The following SLC39A12 variants were observed in gnomAD, a reference collection of about 807,000 sequenced individuals.
SLC39A12 encodes the protein solute carrier family 39 member 12.
Under a neutral mutation model 71.1 loss-of-function variants are expected in SLC39A12, and 63 were observed. The observed-to-expected ratio is 0.89, with a 90% confidence interval of 0.72 to 1.09. The LOEUF (loss-of-function observed/expected upper bound fraction) is 1.09. Among genes scored for constraint, SLC39A12 ranks in the 50% least tolerant of loss-of-function variants. The pLI, the probability that SLC39A12 is intolerant of heterozygous loss-of-function variation, is 0.00. For synonymous variants in SLC39A12, 351 were observed against 301.3 expected, an observed-to-expected ratio of 1.16 and a Z score of -1.71; for missense variants, 892 against 812.6, an observed-to-expected ratio of 1.10 and a Z score of -1.19.
chr10:17,993,172 C>T lies in SLC39A12; in HGVS notation c.1423-9C>T. 6.5e-7 allele frequency: 1 copy of T among 1,543,252 alleles called. No individual in the cohort carries two copies. Among genetic ancestry groups the T allele is most frequent in the Non-Finnish European group, 8.8e-7 (1 of 1,140,172 alleles). The stretch of plus-strand genomic sequence containing the variant: ...GCTTCAACACTAATTTTAAACCATC[C>T]TCATCCAGCAGGGCCTGTCATTGGT... On this transcript the variant is annotated splice_polypyrimidine_tract_variant and intron_variant, in intron 8 of 12. Transcript: ENST00000377369.
chr10:17,997,032 A>AG (rs1835704244), intron 10 of SLC39A12, among the ~76,000 whole-genome samples: 1 of 151,498 alleles, frequency 6.6e-6, no homozygotes. Flanking sequence ...CAAAAAAAAA[A>AG]AAAAAGAAAA....
chr10:18,003,537 A>G (rs1248916822), intron 12 of SLC39A12, 179 bp downstream of exon 12: 1 of 530,736 alleles, frequency 1.9e-6, no homozygotes, highest in Non-Finnish European at 3.1e-6. Context: ...AAAGAACATA[A>G]TTTGGGTACA....
In SLC39A12 at chr10:18,000,793, C is replaced by A. The variant is rs1353341743; in HGVS notation, c.1727C>A (p.Ala576Asp). The change falls in exon 11 of 13, where the codon GCT becomes GAT. Residue 576 changes from alanine to aspartate, a missense_variant. Ala to Asp is a moderately radical substitution (Grantham distance 126). Transcript: ENST00000377369. Reference sequence around the variant, plus strand: ...GAGTCAGGAGTGACCACTACGATTGCTATCTTGTGTCATGAAATCCCACAT... The same window carrying A: ...GAGTCAGGAGTGACCACTACGATTGATATCTTGTGTCATGAAATCCCACAT... The part of the protein sequence containing the change: ...SSESGVTTTI[A>D]ILCHEIPHEM... The A allele has an allele frequency of 5.0e-6, 8 of 1,613,960 alleles. No individual in the cohort carries two copies. The Admixed American group carries it at 1.3e-4, about 27-fold the overall frequency.
At chr10:17,994,691 G>C (rs1835640680) in intron 9 of SLC39A12, among the ~76,000 whole-genome samples, 2 of 152,008 alleles carry the variant, frequency 1.3e-5, no homozygotes, top group Non-Finnish European at 2.9e-5. Flanking sequence ...GTATCCTACA[G>C]GCTCTACCTT....
intron 3 of SLC39A12, among the ~76,000 whole-genome samples, chr10:17,963,152 C>A (rs76337079): frequency 0.016 from 2,377 of 151,852 alleles, 49 homozygotes; most frequent in African/African-American, 0.055. Context: ...CAGAAAGAGA[C>A]CCTATCTCTA....
In SLC39A12 at chr10:17,991,216, T is replaced by G. The variant is rs768768665; in HGVS notation, c.1335T>G (p.Ile445Met). The change falls in exon 8 of 13, where the codon ATT becomes ATG. Residue 445 changes from isoleucine to methionine, a missense_variant. Physicochemically the swap from Ile to Met is conservative, Grantham distance 10 (BLOSUM62 1). Transcript: ENST00000377369. ...ATTTCCATGAAAGCAAAGGTCATAT[T>G]TGGAAACTGATGGGATTAATTGGAG... Reference protein sequence around the residue: ...FGHFHESKGHIWKLMGLIGGI... With the variant: ...FGHFHESKGHMWKLMGLIGGI... The G allele has an allele frequency of 6.2e-7, 1 of 1,601,048 alleles. No individual in the cohort carries two copies. The highest frequency in any genetic ancestry group is 8.5e-7 in the Non-Finnish European group (1 of 1,175,078).
intron 12 of SLC39A12, among the ~76,000 whole-genome samples, chr10:18,026,780 C>T (rs968392172): frequency 2.0e-5 from 3 of 152,062 alleles, no homozygotes; most frequent in African/African-American, 7.2e-5. Context: ...CAAAGATTCT[C>T]TCTTTAGCCA....
At chr10:17,960,036 G>A (rs764375807) in intron 2 of SLC39A12, among the ~76,000 whole-genome samples, 3 of 152,192 alleles carry the variant, frequency 2.0e-5, no homozygotes, top group Admixed American at 6.5e-5. Flanking sequence ...GTTAGACCCA[G>A]GGGTTTATAT....
chr10:17,994,974 T>C (rs1231651280), intron 9 of SLC39A12, among the ~76,000 whole-genome samples: 2 of 152,138 alleles, frequency 1.3e-5, no homozygotes, highest in African/African-American at 4.8e-5. Flanking sequence ...GAAAATATAT[T>C]TTCAGAAATT....
At chr10:18,042,638 C>G (rs1416492511) in intron 12 of SLC39A12, 67 bp from the exon 13 acceptor site, 5 of 1,485,818 alleles carry the variant, frequency 3.4e-6, no homozygotes, top group Non-Finnish European at 3.6e-6. Context: ...CTCATGTTTT[C>G]CCACCAAGCT....
chr10:18,026,138 G>A (rs372203126), intron 12 of SLC39A12, among the ~76,000 whole-genome samples: 4 of 151,982 alleles, frequency 2.6e-5, no homozygotes, highest in Non-Finnish European at 5.9e-5. Context: ...TCCCTTATTC[G>A]TTCTCAAGTG....
chr10:18,003,088 C>T lies in SLC39A12; in HGVS notation c.1760-83C>T, dbSNP rs571020167. On this transcript the variant is annotated intron_variant, in intron 11 of 12. Coordinates refer to ENST00000377369, the MANE Select transcript of SLC39A12 (RefSeq NM_001145195.2). ...TAAAATTGGTTCCAGTGCTGACATT[C>T]GAAATAGCTAATAGTGCGTTACTTT... is the stretch of plus-strand genomic sequence containing the variant. The T allele has an allele frequency of 2.2e-5, 28 of 1,298,934 alleles. No individual in the cohort carries two copies. The South Asian group carries it at 2.7e-4, about 13-fold the overall frequency. The allele number at this position is 1,298,934 out of a possible 1,614,324, so 80.5% of individuals were successfully genotyped here. A position where few individuals can be genotyped will look rare whatever the true frequency, so the allele number is the denominator to read the frequency against.
intron 3 of SLC39A12, among the ~76,000 whole-genome samples, chr10:17,964,837 GA>G (rs890793456): frequency 2.6e-5 from 4 of 152,194 alleles, no homozygotes; most frequent in African/African-American, 9.7e-5. Context: ...TTAAAGCGGG[GA>G]GAGAAACAAC....
chr10:17,997,022 CA>C (rs71924913), intron 10 of SLC39A12, among the ~76,000 whole-genome samples: 42 of 115,514 alleles, frequency 3.6e-4, no homozygotes, highest in South Asian at 1.8e-3. Context: ...GACTCCGTCT[CA>C]AAAAAAAAAA....
chr10:17,968,386 G>A (rs183244259), intron 4 of SLC39A12, among the ~76,000 whole-genome samples: 4 of 152,226 alleles, frequency 2.6e-5, no homozygotes, highest in African/African-American at 9.6e-5. Context: ...TATTTATAGA[G>A]TCTTTCATAT....
At chr10:18,005,682 G>A (rs943328) in intron 12 of SLC39A12, 52,833 of 152,072 alleles carry the variant, frequency 0.35, 9,951 homozygotes, top group Non-Finnish European at 0.43. Context: ...CCTAAGCTAA[G>A]TATGTCATTT....
chr10:17,956,873 A>G (rs1462489271), intron 2 of SLC39A12, among the ~76,000 whole-genome samples: 1 of 152,210 alleles, frequency 6.6e-6, no homozygotes, highest in East Asian at 1.9e-4. Flanking sequence ...CTTGTCAGTC[A>G]GAAGACCCAC....
chr10:17,962,915 G>A (rs1414859631), intron 3 of SLC39A12, among the ~76,000 whole-genome samples: 1 of 152,080 alleles, frequency 6.6e-6, no homozygotes, highest in Non-Finnish European at 1.5e-5. Context: ...CAACACTTTG[G>A]GAGGCTGAGG....
intron 2 of SLC39A12, among the ~76,000 whole-genome samples, chr10:17,955,285 T>C (rs375149516): frequency 1.3e-5 from 2 of 152,124 alleles, no homozygotes; most frequent in South Asian, 2.1e-4. Context: ...ATCAGTTCCA[T>C]TCCTAGGACT....
Sources: gnomAD v4.1 joint callset for allele counts (sites outside exome capture counted in the v4.1 genomes callset) on GRCh38, gnomAD v4.1.1 for gene constraint, MANE v1.5 for transcripts, NCBI Gene and HGNC (gene_info 2026-07-23, HGNC 2026-07-21) for gene names.